PCDHGB3: variants seen among roughly 807,000 people sequenced by gnomAD.
PCDHGB3 encodes the protein protocadherin gamma-B3.
In PCDHGB3, 40 loss-of-function variants were observed where a neutral mutation model predicts 59.2. The observed-to-expected ratio is 0.68, with a 90% CI of 0.52 to 0.88. The LOEUF is 0.88. Ranked by LOEUF, PCDHGB3 falls within the 40% of genes least tolerant of loss-of-function variation. The pLI, the probability that PCDHGB3 is intolerant of heterozygous loss-of-function variation, is 0.00. For synonymous variants in PCDHGB3, 581 were observed against 503.6 expected, an observed-to-expected ratio of 1.15 and a Z score of -2.06; for missense variants, 1,309 against 1,187.9, an observed-to-expected ratio of 1.10 and a Z score of -1.50.
intron 1 of PCDHGB3, chr5:141,409,529 G>A: frequency 6.2e-7 from 1 of 1,613,962 alleles, no homozygotes; most frequent in Middle Eastern, 1.6e-4. Context: ...CTTGTATGTC[G>A]CTGACATCAA....
At chr5:141,507,931 G>A (rs1442781255) in intron 3 of PCDHGB3, 1 of 152,326 alleles carries the variant, frequency 6.6e-6, no homozygotes, top group African/African-American at 2.4e-5. Context: ...CTGCTGAGAG[G>A]GGTTAAGTAA....
At chr5:141,437,986 C>T (rs2097921856) in intron 1 of PCDHGB3, among the ~76,000 whole-genome samples, 1 of 152,096 alleles carries the variant, frequency 6.6e-6, no homozygotes, top group African/African-American at 2.4e-5. Context: ...TGCACCCACC[C>T]CACCTCAGCC....
At chr5:141,413,357 G>A (rs2095629700) in intron 1 of PCDHGB3, 2 of 1,613,874 alleles carry the variant, frequency 1.2e-6, no homozygotes, top group South Asian at 1.1e-5. Flanking sequence ...CTGGCGCCCC[G>A]GGAGCTGGCG....
chr5:141,382,940 T>A, intron 1 of PCDHGB3: 1 of 1,595,270 alleles, frequency 6.3e-7, no homozygotes, highest in Non-Finnish European at 8.6e-7. Flanking sequence ...AGAGGATTCT[T>A]CCTGCTCTCC....
chr5:141,487,921 A>G lies in PCDHGB3; in HGVS notation c.2416-6886A>G, dbSNP rs17097340. On this transcript the variant is annotated intron_variant, in intron 1 of 3. Coordinates refer to ENST00000576222, the MANE Select transcript of PCDHGB3 (RefSeq NM_018924.5). This position sits in a 1 kb window ranked among gnomAD's most constrained non-coding sequence, Gnocchi z 5.0. ...GGAATGTGGGAGCACAGGAGGCTAC[A>G]GTGCACAGGGTACAGTGCACCAGGC... 0.15 allele frequency: 93,556 copies of G among 639,124 alleles called. 7,160 individuals carry two copies. The highest frequency in any genetic ancestry group is 0.21 in the African/African-American group (11,270 of 54,532). 39.6% of individuals were successfully genotyped at this position (639,124 alleles called of 1,614,324 possible).
Position 141,486,054 on chromosome 5 carries a change from G to T in PCDHGB3, c.2416-8753G>T. The T allele has an allele frequency of 1.2e-6, 2 of 1,614,124 alleles. No homozygotes were observed. Among genetic ancestry groups the T allele is most frequent in the South Asian group, 1.1e-5 (1 of 91,072 alleles). On this transcript the variant is annotated intron_variant, in intron 1 of 3. Transcript: ENST00000576222. The surrounding 1 kb of genome is among the most constrained non-coding windows in gnomAD (Gnocchi z 5.0). The stretch of plus-strand genomic sequence containing the variant: ...CCTGATCGTGTAAGAAACCTCTTTA[G>T]CCTGCACCCCACTACTGGAAAGCTT...
intron 1 of PCDHGB3, chr5:141,441,834 C>T (rs370689467): frequency 2.6e-5 from 9 of 352,638 alleles, no homozygotes; most frequent in Non-Finnish European, 3.9e-5. Flanking sequence ...GCAATGGCTT[C>T]GCGCTCTTGG....
intron 1 of PCDHGB3, chr5:141,383,266 A>T: frequency 6.2e-7 from 1 of 1,613,948 alleles, no homozygotes. Context: ...AGACGTGGAA[A>T]TAATAGATAT....
At chr5:141,402,946 G>A (rs1012771364) in intron 1 of PCDHGB3, 1 of 1,592,686 alleles carries the variant, frequency 6.3e-7, no homozygotes, top group African/African-American at 1.4e-5. Flanking sequence ...TCCAAAGCGA[G>A]GCAGCAATGG....
At chr5:141,394,072 T>C (rs1384581843) in intron 1 of PCDHGB3, 4 of 1,613,840 alleles carry the variant, frequency 2.5e-6, no homozygotes, top group Non-Finnish European at 3.4e-6. Context: ...ATCTACAATA[T>C]CACAGTGATG....
intron 1 of PCDHGB3, chr5:141,393,030 C>T (rs1376617687): frequency 1.2e-6 from 2 of 1,613,780 alleles, no homozygotes; most frequent in Admixed American, 3.3e-5. Context: ...AGGTAGGACG[C>T]AGCTCTTTGC....
intron 1 of PCDHGB3, chr5:141,419,056 T>C (rs2096318283): frequency 6.2e-7 from 1 of 1,613,836 alleles, no homozygotes; most frequent in Non-Finnish European, 8.5e-7. Context: ...CTTCTTCTAA[T>C]AATTACTACA....
At position 141,372,088 on chromosome 5, in the gene PCDHGB3, C is replaced by G; in HGVS notation, c.1694C>G (p.Pro565Arg). ...GACAATGCACCGCTGGTGCTGTACC[C>G]AGCTCTGGGGCCCGAAGGCTCTGCG... ...RNDNAPLVLY[P>R]ALGPEGSALF... The change falls in exon 1 of 4, where the codon CCA becomes CGA. Residue 565 changes from proline (P) to arginine (R), a missense_variant. Transcript: ENST00000576222. The G allele has an allele frequency of 1.9e-6, 3 of 1,613,762 alleles. No homozygotes were observed. The highest frequency in any genetic ancestry group is 2.5e-6 in the Non-Finnish European group (3 of 1,179,896).
chr5:141,400,682 G>C (rs778099324), intron 1 of PCDHGB3: 10 of 835,140 alleles, frequency 1.2e-5, no homozygotes, highest in Non-Finnish European at 1.7e-5. Context: ...AGTAAATTGT[G>C]AGTTTTTATG....
rs148589854 is a variant in PCDHGB3, at chr5:141,393,112, C to T, written c.2415+20303C>T. ...CGGGAGGAGCTCTGCGCTCAGAGCC[C>T]GCGGTGTCTGATAAATATTAACACC... On this transcript the variant is annotated intron_variant, in intron 1 of 3. Transcript: ENST00000576222. 5.0e-3 allele frequency: 7,989 copies of T among 1,613,452 alleles called. 48 individuals carry two copies. The highest frequency in any genetic ancestry group is 9.4e-3 in the Admixed American group (566 of 60,028).
intron 1 of PCDHGB3, among the ~76,000 whole-genome samples, chr5:141,405,781 A>G (rs913529807): frequency 2.6e-5 from 4 of 151,674 alleles, no homozygotes; most frequent in African/African-American, 7.3e-5. Context: ...CCTGGCCCTT[A>G]ACTTTCTATT....
rs556217163 is a variant in PCDHGB3, at chr5:141,433,697, C to T, written c.2415+60888C>T. Among the ~76,000 whole-genome samples the T allele has an allele frequency of 6.0e-4, 91 of 152,138 alleles. 1 individual carries two copies. Among genetic ancestry groups the T allele is most frequent in the African/African-American group, 2.0e-3 (85 of 41,536 alleles). ...CTAAAAAAATACAAAATTAGCCGGGCGTGGTGGTGCATGTCTGTAATCCCA... is the reference window on the plus strand; with the variant it reads ...CTAAAAAAATACAAAATTAGCCGGGTGTGGTGGTGCATGTCTGTAATCCCA... On this transcript the variant is annotated intron_variant, in intron 1 of 3. Coordinates refer to ENST00000576222, the MANE Select transcript of PCDHGB3 (RefSeq NM_018924.5).
chr5:141,496,621 C>A (rs1297797187), intron 2 of PCDHGB3, among the ~76,000 whole-genome samples: 1 of 152,214 alleles, frequency 6.6e-6, no homozygotes. Context: ...AGCAGCAGAT[C>A]AAAAGGCTTG....
At chr5:141,373,460 C>G (rs919686552) in intron 1 of PCDHGB3, among the ~76,000 whole-genome samples, 2 of 152,198 alleles carry the variant, frequency 1.3e-5, no homozygotes, top group African/African-American at 4.8e-5. Flanking sequence ...GAGGTAGCAG[C>G]TGCAATGAGC....
Sources: gnomAD v4.1 joint callset for allele counts (sites outside exome capture counted in the v4.1 genomes callset) on GRCh38, gnomAD v4.1.1 for gene constraint, Gnocchi (gnomAD v3.1) non-coding constraint, MANE v1.5 for transcripts, NCBI Gene and HGNC (gene_info 2026-07-23, HGNC 2026-07-21) for gene names.